Variants in ABCA4 observed in about 807,000 individuals in gnomAD.
ABCA4 encodes the protein retinal-specific phospholipid-transporting ATPase ABCA4.
ABCA4 carries 196 observed loss-of-function variants against 263.7 expected under a neutral mutation model. The ratio of observed to expected loss-of-function variants is 0.74; its 90% CI spans 0.66 to 0.84. The LOEUF (loss-of-function observed/expected upper bound fraction) is 0.84, where lower values mean the gene tolerates loss of function less well. ABCA4 is among the 40% of genes least tolerant of loss of function. The probability of loss-of-function intolerance (pLI) is 0.00; values close to 1 mark genes in which losing one functional copy is unlikely to be tolerated. For synonymous variants in ABCA4, 1,133 were observed against 1,094.2 expected, an observed-to-expected ratio of 1.04 and a Z score of -0.70; for missense variants, 2,792 against 2,855.1, an observed-to-expected ratio of 0.98 and a Z score of 0.50.
At chr1:94,025,589 G>C in intron 30 of ABCA4, 1 of 172,164 alleles carries the variant, frequency 5.8e-6, no homozygotes, top group South Asian at 1.4e-4. Context: ...CCTGTCTCTC[G>C]GCGAGCACCT....
In ABCA4 at chr1:94,079,421, A is replaced by T. The variant is rs61748549; in HGVS notation, c.1140T>A (p.Asn380Lys). 1,111 of 1,614,226 alleles carry T rather than the reference A, an allele frequency of 6.9e-4. 2 individuals carry two copies. The highest frequency in any genetic ancestry group is 8.2e-4 in the Non-Finnish European group (967 of 1,180,042). The change falls in exon 9 of 50, where the codon AAT becomes AAA. Residue 380 changes from asparagine (N) to lysine (K), a missense_variant. Physicochemically the swap from Asn to Lys is moderately conservative, Grantham distance 94 (BLOSUM62 0). Coordinates refer to ENST00000370225, the MANE Select transcript of ABCA4 (RefSeq NM_000350.3). ...CNALIQSLES[N>K]PLTKIAWRAA... is the part of the protein sequence containing the mutation. Reference sequence around the variant, plus strand: ...CCCTCCAAGCGATTTTGGTTAAAGGATTTGACTCCAGGCTCTGGATCAATG... The same window carrying T: ...CCCTCCAAGCGATTTTGGTTAAAGGTTTTGACTCCAGGCTCTGGATCAATG...
chr1:94,029,083 A>C (rs181556353), intron 30 of ABCA4, among the ~76,000 whole-genome samples: 2 of 148,802 alleles, frequency 1.3e-5, no homozygotes, highest in East Asian at 3.9e-4. Context: ...CAAACCAAAC[A>C]TTATCTGTGT....
chr1:94,103,153 A>G lies in ABCA4; in HGVS notation c.443-11T>C. On this transcript the variant is annotated splice_polypyrimidine_tract_variant and intron_variant, in intron 4 of 49. Transcript: ENST00000370225. ...TTCGTATTCCTCTTCCTACATATGAATAAGAGAAAGAACAGGGTGTTGAAG... is the reference window on the plus strand; with the variant it reads ...TTCGTATTCCTCTTCCTACATATGAGTAAGAGAAAGAACAGGGTGTTGAAG... 1 of 1,613,722 alleles carries G rather than the reference A, an allele frequency of 6.2e-7. No homozygotes were observed.
chr1:94,021,347 G>A lies in ABCA4; in HGVS notation c.4911C>T (p.Ala1637=), dbSNP rs201346949. 2.1e-5 allele frequency: 34 copies of A among 1,614,188 alleles called. No homozygotes were observed. In the African/African-American group the frequency reaches 3.9e-4, roughly 18 times the overall value. Residue 1637 remains alanine (A), a synonymous_variant, in exon 35 of 50, where the codon GCC becomes GCT. Coordinates refer to ENST00000370225, the MANE Select transcript of ABCA4 (RefSeq NM_000350.3). The stretch of plus-strand genomic sequence containing the variant: ...CCTTAGGCAGGCTGGCCCGTAAGAT[G>A]GCGTTGTGGGCCACATTGAGAAAGC... The part of the protein sequence containing the change: ...LVSFLNVAHN[A]ILRASLPKDR...
chr1:94,038,177 T>C (rs953284718), intron 24 of ABCA4, among the ~76,000 whole-genome samples: 1 of 151,964 alleles, frequency 6.6e-6, no homozygotes, highest in Non-Finnish European at 1.5e-5. Flanking sequence ...GGGGAGAGGG[T>C]AGGATATGCG....
chr1:93,999,717 A>G (rs184985927), intron 47 of ABCA4, among the ~76,000 whole-genome samples: 163 of 152,272 alleles, frequency 1.1e-3, no homozygotes, highest in Admixed American at 1.2e-3. Flanking sequence ...CAGAGGAGAA[A>G]GGCTGTTTAC....
At chr1:94,000,802 A>C in intron 47 of ABCA4, 34 bp downstream of exon 47, 1 of 1,603,456 alleles carries the variant, frequency 6.2e-7, no homozygotes, top group Non-Finnish European at 8.5e-7. Flanking sequence ...GATCCACAGA[A>C]GGCAACAAGG....
chr1:94,109,418 C>T (rs1167332352), intron 3 of ABCA4, among the ~76,000 whole-genome samples: 6 of 152,242 alleles, frequency 3.9e-5, no homozygotes, highest in Non-Finnish European at 5.9e-5. Flanking sequence ...CAAGGACCTC[C>T]CTGCACACAC....
At chr1:94,013,871 T>C (rs1159395297) in intron 38 of ABCA4, among the ~76,000 whole-genome samples, 2 of 152,220 alleles carry the variant, frequency 1.3e-5, no homozygotes, top group African/African-American at 4.8e-5. Context: ...GATCTGCTGA[T>C]GTGTCTCCAG....
intron 7 of ABCA4, among the ~76,000 whole-genome samples, 161 bp downstream of exon 7, chr1:94,083,191 A>G (rs529261155): frequency 2.6e-5 from 4 of 152,226 alleles, no homozygotes; most frequent in African/African-American, 9.6e-5. Context: ...AAGAGCACAG[A>G]TAATTTGGGA....
chr1:94,002,326 T>C (rs562412471), intron 44 of ABCA4, among the ~76,000 whole-genome samples: 1 of 152,304 alleles, frequency 6.6e-6, no homozygotes, highest in East Asian at 1.9e-4. Context: ...AGGAAGGCTC[T>C]GTTTGAGAAG....
rs534555299 is a variant in ABCA4, at chr1:94,065,192, G to A, written c.1555-1875C>T. Among the ~76,000 whole-genome samples, 7 of 152,198 alleles carry A rather than the reference G, an allele frequency of 4.6e-5. No individual in the cohort carries two copies. In the South Asian group the frequency reaches 1.5e-3, roughly 32 times the overall value. On this transcript the variant is annotated intron_variant, in intron 11 of 49. Transcript: ENST00000370225. The stretch of plus-strand genomic sequence containing the variant: ...CTGCCACACCAGGAACCGTGGGAAA[G>A]GCTGGATCCACAGCCTGGCGCTCAG...
At chr1:94,045,731 C>T (rs1415158096) in intron 19 of ABCA4, 1 of 456,216 alleles carries the variant, frequency 2.2e-6, no homozygotes, top group Admixed American at 2.3e-5. Context: ...ATTAGAATGG[C>T]ACCGGCCCCA....
intron 11 of ABCA4, among the ~76,000 whole-genome samples, chr1:94,072,752 G>A (rs892651209): frequency 6.6e-6 from 1 of 152,188 alleles, no homozygotes; most frequent in Non-Finnish European, 1.5e-5. Flanking sequence ...CCCCATGAGT[G>A]ATGTGAGGCT....
intron 6 of ABCA4, among the ~76,000 whole-genome samples, chr1:94,094,037 TC>T (rs1216766399): frequency 6.6e-6 from 1 of 152,128 alleles, no homozygotes; most frequent in Non-Finnish European, 1.5e-5. Context: ...CTTCTCCCCT[TC>T]CCAAAACCCT....
At chr1:94,091,583 A>T (rs933248251) in intron 6 of ABCA4, among the ~76,000 whole-genome samples, 14 of 9,114 alleles carry the variant, frequency 1.5e-3, no homozygotes, top group Admixed American at 3.9e-3. Flanking sequence ...ATCATCTCAC[A>T]CACACACACA....
rs1194460760 is a variant in ABCA4 at position 94,031,903 on chromosome 1, G to T, written c.4003C>A (p.Pro1335Thr). ...TGCGGGCCTGGGCACTCTGGCTCTGGGGGAGGCTGGCCCTCTGGGTGAGCA... is the reference window on the plus strand; with the variant it reads ...TGCGGGCCTGGGCACTCTGGCTCTGTGGGAGGCTGGCCCTCTGGGTGAGCA... The part of the protein sequence containing the change: ...PAAHPEGQPP[P>T]EPECPGPQLN... Residue 1335 changes from proline (P) to threonine (T), a missense_variant, in exon 27 of 50, where the codon CCA becomes ACA. Physicochemically the swap from Pro to Thr is conservative, Grantham distance 38. Transcript: ENST00000370225. The T allele has an allele frequency of 2.4e-5, 39 of 1,614,142 alleles. No individual in the cohort carries two copies. The highest frequency in any genetic ancestry group is 3.3e-5 in the Non-Finnish European group (39 of 1,180,032).
At position 94,010,762 on chromosome 1, in the gene ABCA4, T is replaced by C. The variant is rs778351147; in HGVS notation, c.5714+38A>G. 3.7e-6 allele frequency: 6 copies of C among 1,613,848 alleles called. No homozygotes were observed. In the African/African-American group the frequency reaches 4.0e-5, roughly 11 times the overall value. On this transcript the variant is annotated intron_variant, in intron 40 of 49. Coordinates refer to ENST00000370225, the MANE Select transcript of ABCA4 (RefSeq NM_000350.3). Reference sequence around the variant, plus strand: ...GTATAAGGTCCAGTTCTGGATGCCCTGAGCTGCCCACTGGCCCAGGGTGTG... The same window carrying C: ...GTATAAGGTCCAGTTCTGGATGCCCCGAGCTGCCCACTGGCCCAGGGTGTG...
At chr1:94,074,446 C>T (rs959590838) in intron 11 of ABCA4, among the ~76,000 whole-genome samples, 62 of 152,298 alleles carry the variant, frequency 4.1e-4, no homozygotes, top group African/African-American at 1.3e-3. Context: ...TCAGGACATA[C>T]GCATGGGCAA....
Sources: gnomAD v4.1 joint callset for allele counts (sites outside exome capture counted in the v4.1 genomes callset) on GRCh38, gnomAD v4.1.1 for gene constraint, MANE v1.5 for transcripts, NCBI Gene and HGNC (gene_info 2026-07-23, HGNC 2026-07-21) for gene names.